DGLUCY: variants seen among roughly 807,000 people sequenced by gnomAD.
DGLUCY encodes D-glutamate cyclase, mitochondrial.
DGLUCY carries 58 observed loss-of-function variants against 58.5 expected under a neutral mutation model. The observed-to-expected ratio is 0.99, with a 90% CI of 0.80 to 1.23. The LOEUF (loss-of-function observed/expected upper bound fraction) is 1.23. Among genes scored for constraint, DGLUCY ranks in the 50% most tolerant of loss-of-function variants. The probability of loss-of-function intolerance (pLI) is 0.00; values close to 1 mark genes in which losing one functional copy is unlikely to be tolerated. For missense variants in DGLUCY, 779 were observed against 784.7 expected (o/e 0.99, Z 0.09); for synonymous variants, 325 against 314.1 (o/e 1.03, Z -0.37).
intron 8 of DGLUCY, among the ~76,000 whole-genome samples, chr14:91,184,647 GGGAGGGAGGGAA>G (rs1319728249): frequency 2.6e-5 from 3 of 116,256 alleles, no homozygotes; most frequent in African/African-American, 1.1e-4. Flanking sequence ...GAGGGAGGGA[GGGAGGGAGGGAA>G]GGAGGGAGGG....
chr14:91,113,593 A>G (rs981778614), upstream of DGLUCY, among the ~76,000 whole-genome samples: 2 of 152,212 alleles, frequency 1.3e-5, no homozygotes, highest in Non-Finnish European at 2.9e-5. Context: ...TGGGTGGCAG[A>G]ATGCAGATCC....
At chr14:91,111,889 C>T (rs1304736742), upstream of DGLUCY, among the ~76,000 whole-genome samples, 1 of 152,168 alleles carries the variant, frequency 6.6e-6, no homozygotes, top group Non-Finnish European at 1.5e-5. Context: ...ATGTTGTTTA[C>T]CTACTCATCT....
intron 13 of DGLUCY, 102 bp from the exon 14 acceptor site, chr14:91,224,582 G>T: frequency 7.7e-7 from 1 of 1,294,308 alleles, no homozygotes. Context: ...TAAAAAGCAA[G>T]TATGTCAAGG....
At chr14:91,076,583 C>G (rs2140038345) in intron 1 of DGLUCY, among the ~76,000 whole-genome samples, 1 of 152,082 alleles carries the variant, frequency 6.6e-6, no homozygotes, top group East Asian at 1.9e-4. Flanking sequence ...CTGTTTAGGA[C>G]CCGGTGGAGG....
chr14:91,060,578 C>T, exon 1 of DGLUCY: 2 of 1,092,204 alleles, frequency 1.8e-6, no homozygotes, highest in Non-Finnish European at 1.2e-6. Context: ...GAGTCTCTTT[C>T]CCGCTCTGGC....
At chr14:91,179,886 CTTTTTTTTTT>C (rs35580984) in intron 7 of DGLUCY, among the ~76,000 whole-genome samples, 16 of 75,992 alleles carry the variant, frequency 2.1e-4, no homozygotes, top group Non-Finnish European at 3.5e-4. Flanking sequence ...ATGCTAAACA[CTTTTTTTTTT>C]TTTTTTTTTT....
intron 13 of DGLUCY, among the ~76,000 whole-genome samples, chr14:91,220,075 T>G (rs1440083304): frequency 5.9e-5 from 9 of 152,214 alleles, no homozygotes; most frequent in Admixed American, 5.9e-4. Flanking sequence ...TCCCTGTATT[T>G]CTGTAGTTTG....
intron 1 of DGLUCY, among the ~76,000 whole-genome samples, chr14:91,124,834 G>A (rs576261160): frequency 1.3e-5 from 2 of 152,288 alleles, no homozygotes; most frequent in Non-Finnish European, 2.9e-5. Context: ...TTAAATATCT[G>A]CTATCCATAA....
At chr14:91,193,191 G>A (rs866758982) in intron 9 of DGLUCY, among the ~76,000 whole-genome samples, 4 of 152,336 alleles carry the variant, frequency 2.6e-5, no homozygotes, top group African/African-American at 7.2e-5. Flanking sequence ...GCAAGGGGCC[G>A]TGTTTCCGTA....
chr14:91,065,855 A>G (rs2043810573), intron 1 of DGLUCY, among the ~76,000 whole-genome samples: 1 of 152,162 alleles, frequency 6.6e-6, no homozygotes, highest in African/African-American at 2.4e-5. Context: ...CAAATGAGGA[A>G]AAGTTGTTGA....
At chr14:91,151,493 GC>G (rs2047335225) in intron 1 of DGLUCY, among the ~76,000 whole-genome samples, 1 of 151,998 alleles carries the variant, frequency 6.6e-6, no homozygotes, top group Admixed American at 6.6e-5. Context: ...TGATCCACCT[GC>G]CTTGGCCTCC....
At chr14:91,106,658 G>C (rs1288944727), upstream of DGLUCY, among the ~76,000 whole-genome samples, 3 of 147,936 alleles carry the variant, frequency 2.0e-5, no homozygotes, top group East Asian at 2.0e-4. Context: ...AGTGAGCCCA[G>C]ATTGCTCCAC....
intron 1 of DGLUCY, among the ~76,000 whole-genome samples, chr14:91,125,802 A>C (rs917192119): frequency 6.6e-6 from 1 of 151,992 alleles, no homozygotes; most frequent in Non-Finnish European, 1.5e-5. Flanking sequence ...AAAATACAAA[A>C]ATTAGCCGAG....
chr14:91,127,604 C>A (rs537753938), intron 1 of DGLUCY, among the ~76,000 whole-genome samples: 2 of 152,230 alleles, frequency 1.3e-5, no homozygotes, highest in African/African-American at 2.4e-5. Context: ...CAGGGAACGC[C>A]GGGCAGAAGT....
intron 1 of DGLUCY, among the ~76,000 whole-genome samples, chr14:91,143,759 G>T (rs2046865653): frequency 6.6e-6 from 1 of 152,168 alleles, no homozygotes; most frequent in Non-Finnish European, 1.5e-5. Flanking sequence ...TAGAGAAAGA[G>T]CAAGACTATG....
chr14:91,196,765 AAAAG>A (rs1354149076), intron 10 of DGLUCY, among the ~76,000 whole-genome samples: 3 of 151,380 alleles, frequency 2.0e-5, no homozygotes, highest in Admixed American at 2.0e-4. Flanking sequence ...AAAAAAAAAA[AAAAG>A]TTTCTCAGTC....
At chr14:91,074,134 C>T (rs1167773233) in intron 1 of DGLUCY, among the ~76,000 whole-genome samples, 12 of 135,746 alleles carry the variant, frequency 8.8e-5, no homozygotes, top group African/African-American at 3.3e-4. Context: ...CACACACACA[C>T]ACACACACAC....
chr14:91,140,907 G>A (rs1022440250), intron 1 of DGLUCY, among the ~76,000 whole-genome samples: 23 of 152,110 alleles, frequency 1.5e-4, no homozygotes, highest in African/African-American at 5.6e-4. Context: ...CTATTGTTGA[G>A]GATCAGATGT....
chr14:91,072,654 A>G (rs2043941778), intron 1 of DGLUCY, among the ~76,000 whole-genome samples: 2 of 131,574 alleles, frequency 1.5e-5, no homozygotes, highest in Non-Finnish European at 3.3e-5. Context: ...TTGAGACACC[A>G]AAAAAAAAAA....
Sources: gnomAD v4.1 joint callset for allele counts (sites outside exome capture counted in the v4.1 genomes callset) on GRCh38, gnomAD v4.1.1 for gene constraint, MANE v1.5 for transcripts, NCBI Gene and HGNC (gene_info 2026-07-23, HGNC 2026-07-21) for gene names.